Variants in IGFL2 observed in about 807,000 individuals in gnomAD.
The protein encoded by IGFL2 is insulin growth factor-like family member 2.
IGFL2 carries 7 observed loss-of-function variants against 13.9 expected under a neutral mutation model. The observed-to-expected ratio is 0.51, with a 90% CI of 0.29 to 0.95. The LOEUF is 0.95. IGFL2 is among the 40% of genes least tolerant of loss of function. IGFL2 has a pLI of 0.08. For synonymous variants in IGFL2, 55 were observed against 55.8 expected, an observed-to-expected ratio of 0.99 and a Z score of 0.07; for missense variants, 138 against 147.8, an observed-to-expected ratio of 0.93 and a Z score of 0.34.
the IGFL2 span, among the ~76,000 whole-genome samples, chr19:46,133,309 G>C: frequency 6.6e-6 from 1 of 152,196 alleles, no homozygotes; most frequent in African/African-American, 2.4e-5. Flanking sequence ...CTTGCTAGCA[G>C]TCTTGCCATG....
At chr19:46,175,406 A>G in the IGFL2 span, among the ~76,000 whole-genome samples, 2 of 152,212 alleles carry the variant, frequency 1.3e-5, no homozygotes, top group East Asian at 3.8e-4. Flanking sequence ...ACATCACTCT[A>G]CAATGCCTCC....
the IGFL2 span, among the ~76,000 whole-genome samples, chr19:46,089,204 T>C: frequency 6.6e-6 from 1 of 152,210 alleles, no homozygotes; most frequent in Non-Finnish European, 1.5e-5. Context: ...GAAAACCTTA[T>C]AGTTATCATA....
At chr19:46,170,964 T>C in the IGFL2 span, among the ~76,000 whole-genome samples, 1 of 152,200 alleles carries the variant, frequency 6.6e-6, no homozygotes, top group Admixed American at 6.5e-5. Context: ...TGTGATCTTT[T>C]GTCGCCCTTG....
the IGFL2 span, among the ~76,000 whole-genome samples, chr19:46,106,446 G>A: frequency 6.6e-6 from 1 of 152,216 alleles, no homozygotes; most frequent in East Asian, 1.9e-4. Context: ...CAGGTAAGTT[G>A]CTGGGACTGA....
At chr19:46,124,140 T>C in the IGFL2 span, 1 of 1,610,762 alleles carries the variant, frequency 6.2e-7, no homozygotes, top group African/African-American at 1.4e-5. Flanking sequence ...GCCACAGTCC[T>C]GAGCCAACAG....
the IGFL2 span, chr19:46,211,805 C>T: frequency 6.6e-6 from 1 of 152,162 alleles, no homozygotes; most frequent in South Asian, 2.1e-4. Flanking sequence ...TTCACAGACA[C>T]TCCTGAATGA....
chr19:46,144,014 A>G (rs1388111233), upstream of IGFL2, among the ~76,000 whole-genome samples: 3 of 152,244 alleles, frequency 2.0e-5, no homozygotes, highest in African/African-American at 7.2e-5. Flanking sequence ...TGCTCAGAAA[A>G]TAACTCATCA....
upstream of IGFL2, among the ~76,000 whole-genome samples, chr19:46,138,446 G>A (rs1032050742): frequency 1.3e-5 from 2 of 152,190 alleles, no homozygotes; most frequent in African/African-American, 2.4e-5. Context: ...CCAACGTGGG[G>A]TGTTGACAAA....
At chr19:46,165,526 A>G (rs1974358846), downstream of IGFL2, among the ~76,000 whole-genome samples, 1 of 151,958 alleles carries the variant, frequency 6.6e-6, no homozygotes, top group African/African-American at 2.4e-5. Context: ...TAACTAGCAC[A>G]GGGAGCACAT....
chr19:46,095,238 G>T, the IGFL2 span, among the ~76,000 whole-genome samples: 1 of 152,154 alleles, frequency 6.6e-6, no homozygotes, highest in Non-Finnish European at 1.5e-5. Flanking sequence ...GCATGAGATA[G>T]TATCTTGTTG....
intron 1 of IGFL2, among the ~76,000 whole-genome samples, chr19:46,154,061 C>T (rs1310615881): frequency 6.6e-6 from 1 of 152,120 alleles, no homozygotes. Context: ...CAGTTCAACT[C>T]TCACTTCTGA....
At chr19:46,202,420 G>C in the IGFL2 span, 1 of 152,136 alleles carries the variant, frequency 6.6e-6, no homozygotes, top group Non-Finnish European at 1.5e-5. Context: ...AAGTTTTTTA[G>C]AACACAGGCT....
At chr19:46,120,180 C>A in the IGFL2 span, 1 of 1,126,690 alleles carries the variant, frequency 8.9e-7, no homozygotes, top group Non-Finnish European at 1.2e-6. Flanking sequence ...GTCTGGCCAT[C>A]CCCAGCTGGG....
chr19:46,166,800 T>C, the IGFL2 span, among the ~76,000 whole-genome samples: 2 of 152,220 alleles, frequency 1.3e-5, no homozygotes, highest in African/African-American at 4.8e-5. Flanking sequence ...AAGAGAAATA[T>C]GGCTCTGTTC....
At chr19:46,205,609 A>C in the IGFL2 span, among the ~76,000 whole-genome samples, 1 of 152,104 alleles carries the variant, frequency 6.6e-6, no homozygotes, top group Non-Finnish European at 1.5e-5. Context: ...GTGCTGAGAG[A>C]GAGAGAGAGA....
chr19:46,109,998 T>C, the IGFL2 span, among the ~76,000 whole-genome samples: 1 of 152,216 alleles, frequency 6.6e-6, no homozygotes, highest in Admixed American at 6.5e-5. Flanking sequence ...GTTTCTGTTT[T>C]TCGTCTGAGC....
At chr19:46,179,341 T>C in the IGFL2 span, 11 of 122,418 alleles carry the variant, frequency 9.0e-5, no homozygotes, top group African/African-American at 3.7e-4. Context: ...GAGCTGGTCA[T>C]AGGGTGGGGG....
the IGFL2 span, among the ~76,000 whole-genome samples, chr19:46,166,585 G>C: frequency 6.6e-6 from 1 of 152,278 alleles, no homozygotes; most frequent in East Asian, 1.9e-4. Flanking sequence ...TTATTAGGCG[G>C]GAATTTCCTC....
chr19:46,186,939 C>G, the IGFL2 span, among the ~76,000 whole-genome samples: 1 of 152,140 alleles, frequency 6.6e-6, no homozygotes, highest in African/African-American at 2.4e-5. Context: ...AAGCTTTGCT[C>G]TCAGATCACA....
Sources: allele counts gnomAD v4.1 joint callset (sites outside exome capture counted in the v4.1 genomes callset), GRCh38; gene constraint gnomAD v4.1.1; transcripts MANE v1.5; gene names NCBI Gene and HGNC (gene_info 2026-07-23, HGNC 2026-07-21).